The following LRP1B variants were observed in gnomAD, a reference collection of about 807,000 sequenced individuals.
The protein encoded by LRP1B is LDL receptor related protein 1B.
In LRP1B, 217 loss-of-function variants were observed where a neutral mutation model predicts 556.6. The ratio of observed to expected loss-of-function variants is 0.39; its 90% CI spans 0.35 to 0.44. The LOEUF (loss-of-function observed/expected upper bound fraction) is 0.44. LRP1B is among the 20% of genes least tolerant of loss of function. The probability of loss-of-function intolerance (pLI) is 1.00; values close to 1 mark genes in which losing one functional copy is unlikely to be tolerated. For missense variants in LRP1B, 5,053 were observed against 5,620.8 expected, an observed-to-expected ratio of 0.90 and a Z score of 3.23; for synonymous variants, 2,047 against 1,865.8, an observed-to-expected ratio of 1.10 and a Z score of -2.50.
At chr2:141,716,425 GTATA>G (rs1320268067) in intron 2 of LRP1B, among the ~76,000 whole-genome samples, 7 of 152,044 alleles carry the variant, frequency 4.6e-5, no homozygotes, top group Non-Finnish European at 8.8e-5. Context: ...GTGACAATAT[GTATA>G]TATATTTTTT....
At chr2:140,824,129 T>TAA (rs11376103) in intron 31 of LRP1B, among the ~76,000 whole-genome samples, 5,787 of 150,764 alleles carry the variant, frequency 0.038, 354 homozygotes, top group African/African-American at 0.13. Context: ...TTTAAAAAAA[T>TAA]AAAAAAAAAT....
chr2:141,415,175 C>T (rs1469775055), intron 3 of LRP1B, among the ~76,000 whole-genome samples: 7 of 152,134 alleles, frequency 4.6e-5, no homozygotes, highest in African/African-American at 1.4e-4. Flanking sequence ...CCACCACGCC[C>T]AGCTAATTTT....
At chr2:141,839,209 A>G (rs1026775086) in intron 1 of LRP1B, among the ~76,000 whole-genome samples, 4 of 152,182 alleles carry the variant, frequency 2.6e-5, no homozygotes, top group Admixed American at 2.0e-4. Flanking sequence ...ATTTGATTAC[A>G]TGGGAGAAGA....
intron 1 of LRP1B, 89 bp from the exon 2 acceptor site, chr2:141,810,490 A>G (rs1410077785): frequency 1.5e-6 from 2 of 1,329,110 alleles, no homozygotes; most frequent in African/African-American, 2.9e-5. Context: ...AAAAAGCAAT[A>G]CATAAAAGGT....
chr2:141,343,009 G>A (rs1453482362), intron 3 of LRP1B, among the ~76,000 whole-genome samples: 2 of 152,178 alleles, frequency 1.3e-5, no homozygotes, highest in African/African-American at 2.4e-5. Flanking sequence ...AAGCCCATCC[G>A]ACTAACAGAG....
chr2:141,003,741 A>G (rs115953203), intron 15 of LRP1B, among the ~76,000 whole-genome samples: 1,638 of 152,090 alleles, frequency 0.011, 30 homozygotes, highest in African/African-American at 0.036. Flanking sequence ...CAGCAGTGTA[A>G]AAATGGACTA....
intron 15 of LRP1B, among the ~76,000 whole-genome samples, chr2:140,996,779 C>T (rs1697259224): frequency 6.6e-6 from 1 of 151,702 alleles, no homozygotes; most frequent in South Asian, 2.1e-4. Context: ...AGATAAAAGA[C>T]AAAGACAAAA....
chr2:141,135,827 A>G (rs1484311692), intron 7 of LRP1B, among the ~76,000 whole-genome samples: 1 of 151,878 alleles, frequency 6.6e-6, no homozygotes, highest in African/African-American at 2.4e-5. Context: ...TCAGGGCTGT[A>G]CTTTCCCCCA....
chr2:141,513,618 C>A (rs1049705912), intron 2 of LRP1B, among the ~76,000 whole-genome samples: 36 of 152,154 alleles, frequency 2.4e-4, no homozygotes, highest in African/African-American at 8.4e-4. Context: ...ACTAGTTATG[C>A]AAGTAGGTAA....
chr2:141,424,683 T>C (rs540288587), intron 3 of LRP1B, among the ~76,000 whole-genome samples: 2 of 152,330 alleles, frequency 1.3e-5, no homozygotes, highest in African/African-American at 4.8e-5. Flanking sequence ...ACTATATTAA[T>C]CTCATTAACA....
At chr2:141,651,396 G>A (rs753910691) in intron 2 of LRP1B, among the ~76,000 whole-genome samples, 1 of 152,170 alleles carries the variant, frequency 6.6e-6, no homozygotes, top group African/African-American at 2.4e-5. Flanking sequence ...AGGCACGGTG[G>A]TTTACGCCTG....
At chr2:140,454,631 T>G (rs2105319301) in intron 62 of LRP1B, among the ~76,000 whole-genome samples, 1 of 152,318 alleles carries the variant, frequency 6.6e-6, no homozygotes, top group South Asian at 2.1e-4. Context: ...ATAAATATTT[T>G]AGTGTTGTCA....
At chr2:140,746,981 G>A (rs185453073) in intron 35 of LRP1B, among the ~76,000 whole-genome samples, 5 of 152,168 alleles carry the variant, frequency 3.3e-5, no homozygotes, top group African/African-American at 1.2e-4. Context: ...ACATGGTGAA[G>A]TAGAAAAAGT....
chr2:141,883,892 T>C, intron 1 of LRP1B, among the ~76,000 whole-genome samples: 1 of 152,182 alleles, frequency 6.6e-6, no homozygotes, highest in East Asian at 1.9e-4. Flanking sequence ...GAATGTATTT[T>C]CCTACCAAAT....
intron 2 of LRP1B, among the ~76,000 whole-genome samples, chr2:141,580,858 C>G (rs529321275): frequency 6.6e-6 from 1 of 152,320 alleles, no homozygotes; most frequent in East Asian, 1.9e-4. Context: ...TGATGCTTAT[C>G]CAAATGGGAG....
chr2:141,751,133 A>G (rs1694095583), intron 2 of LRP1B, among the ~76,000 whole-genome samples: 1 of 152,094 alleles, frequency 6.6e-6, no homozygotes, highest in South Asian at 2.1e-4. Context: ...AATAGAAGAT[A>G]TACTGGAGGA....
At chr2:141,658,755 T>C (rs550212504) in intron 2 of LRP1B, among the ~76,000 whole-genome samples, 29 of 152,308 alleles carry the variant, frequency 1.9e-4, no homozygotes, top group Middle Eastern at 3.4e-3. Context: ...TTGTTTGTTT[T>C]TAAAAGGGGG....
chr2:140,680,489 A>T (rs1685824362), intron 41 of LRP1B, among the ~76,000 whole-genome samples: 2 of 152,140 alleles, frequency 1.3e-5, no homozygotes, highest in South Asian at 4.1e-4. Context: ...ATTAAGATTT[A>T]TTTTACCTTT....
chr2:141,941,646 C>A lies in LRP1B; in HGVS notation c.83-131245G>T, dbSNP rs536049856. ...TTGAATGTGGCCAGAGCTCAGGGAA[C>A]CTGGGAGCACGTGGAACAGTGGGAA... On this transcript the variant is annotated intron_variant, in intron 1 of 90. Transcript: ENST00000389484. Among the ~76,000 whole-genome samples the A allele has an allele frequency of 9.9e-4, 151 of 152,230 alleles. 1 individual carries two copies. The highest frequency in any genetic ancestry group is 3.5e-3 in the African/African-American group (147 of 41,528).
Sources: allele counts gnomAD v4.1 joint callset (sites outside exome capture counted in the v4.1 genomes callset), GRCh38; gene constraint gnomAD v4.1.1; transcripts MANE v1.5; gene names NCBI Gene and HGNC (gene_info 2026-07-23, HGNC 2026-07-21).